Variants in EPHA3 observed in about 807,000 individuals in gnomAD.
EPHA3 encodes the protein EPH receptor A3.
In EPHA3, 42 loss-of-function variants were observed where a neutral mutation model predicts 107.1. The observed-to-expected ratio is 0.39, with a 90% CI of 0.31 to 0.51. The LOEUF (loss-of-function observed/expected upper bound fraction) is 0.51, where lower values mean the gene tolerates loss of function less well. Ranked by LOEUF, EPHA3 falls within the 20% of genes least tolerant of loss-of-function variation. The pLI is 0.78. For synonymous variants in EPHA3, 461 were observed against 424.8 expected (o/e 1.09, Z -1.05); for missense variants, 1,183 against 1,211.2 (o/e 0.98, Z 0.35).
chr3:89,386,535 G>A (rs1236779020), intron 5 of EPHA3, among the ~76,000 whole-genome samples: 1 of 152,228 alleles, frequency 6.6e-6, no homozygotes, highest in Non-Finnish European at 1.5e-5. Flanking sequence ...GAAATGCCTG[G>A]ATGTCCAGTC....
At chr3:89,243,972 TC>T (rs1553671187) in intron 3 of EPHA3, among the ~76,000 whole-genome samples, 1 of 152,100 alleles carries the variant, frequency 6.6e-6, no homozygotes, top group Non-Finnish European at 1.5e-5. Context: ...ATAAAGCCCC[TC>T]ACTTTGATAT....
intron 5 of EPHA3, among the ~76,000 whole-genome samples, chr3:89,352,016 T>C (rs551401381): frequency 6.0e-5 from 9 of 150,096 alleles, no homozygotes; most frequent in African/African-American, 2.2e-4. Flanking sequence ...AATTTCAGAG[T>C]TGCCATTCCA....
intron 11 of EPHA3, among the ~76,000 whole-genome samples, chr3:89,428,273 C>T (rs546696584): frequency 1.3e-5 from 2 of 152,024 alleles, no homozygotes; most frequent in East Asian, 3.9e-4. Context: ...GTATGATGAC[C>T]AGCAAGTTAA....
intron 3 of EPHA3, among the ~76,000 whole-genome samples, chr3:89,327,869 G>A (rs1410152451): frequency 4.0e-5 from 6 of 151,846 alleles, no homozygotes; most frequent in African/African-American, 9.7e-5. Flanking sequence ...AGGCTGAGGC[G>A]CATGGATCAC....
intron 1 of EPHA3, among the ~76,000 whole-genome samples, chr3:89,122,706 A>G (rs1409076189): frequency 2.0e-5 from 3 of 152,154 alleles, no homozygotes; most frequent in Non-Finnish European, 4.4e-5. Context: ...AAAAATCTTT[A>G]TGTGTTAATA....
At chr3:89,310,500 TC>T (rs1706739088) in intron 3 of EPHA3, among the ~76,000 whole-genome samples, 1 of 151,972 alleles carries the variant, frequency 6.6e-6, no homozygotes, top group South Asian at 2.1e-4. Flanking sequence ...GTTAACCCCT[TC>T]CTTTCTTATT....
At chr3:89,371,322 G>A (rs1016648353) in intron 5 of EPHA3, among the ~76,000 whole-genome samples, 8 of 151,594 alleles carry the variant, frequency 5.3e-5, no homozygotes, top group Non-Finnish European at 1.0e-4. Context: ...ATATCTTTAA[G>A]TTTCCCTGGA....
At chr3:89,433,507 T>C (rs1297054907) in intron 13 of EPHA3, among the ~76,000 whole-genome samples, 1 of 152,156 alleles carries the variant, frequency 6.6e-6, no homozygotes, top group Admixed American at 6.5e-5. Context: ...ATATAGGAGG[T>C]AGGACTCTCC....
intron 2 of EPHA3, among the ~76,000 whole-genome samples, chr3:89,188,609 C>A (rs1705627870): frequency 1.3e-5 from 2 of 152,142 alleles, no homozygotes; most frequent in South Asian, 4.1e-4. Flanking sequence ...ATATTATATC[C>A]TTGACTTCAT....
chr3:89,311,708 C>A (rs899071299), intron 3 of EPHA3, among the ~76,000 whole-genome samples: 1 of 152,022 alleles, frequency 6.6e-6, no homozygotes, highest in African/African-American at 2.4e-5. Flanking sequence ...GATTGTCTTT[C>A]TTCAGCAAAT....
chr3:89,150,777 G>A (rs541129086), intron 2 of EPHA3, among the ~76,000 whole-genome samples: 5 of 152,128 alleles, frequency 3.3e-5, no homozygotes, highest in Middle Eastern at 3.4e-3. Flanking sequence ...TGTACCTTTA[G>A]AACACTTGTA....
rs1007762877 is a variant in EPHA3, at chr3:89,179,172, G to T, written c.154-30688G>T. The stretch of plus-strand genomic sequence containing the variant: ...CATGTGCATTTTTATGTTTGCCAAT[G>T]ATTCAAGTATTGTGAAATTATATTT... On this transcript the variant is annotated intron_variant, in intron 2 of 16. Transcript: ENST00000336596. Among the ~76,000 whole-genome samples the T allele has an allele frequency of 9.2e-5, 14 of 152,120 alleles. 1 individual carries two copies. The South Asian group carries it at 2.1e-3, about 23-fold the overall frequency.
rs1289635005 is a variant in EPHA3 at position 89,413,195 on chromosome 3, C to T, written c.1817C>T (p.Thr606Ile). 2 of 1,611,876 alleles carry T rather than the reference C, an allele frequency of 1.2e-6. No homozygotes were observed. Among genetic ancestry groups the T allele is most frequent in the Admixed American group, 1.7e-5 (1 of 59,864 alleles). ...YVDPHTYEDP[T>I]QAVHEFAKEL... Reference sequence around the variant, plus strand: ...GACCCACATACATATGAAGACCCTACCCAAGCTGTTCATGAGTTTGCCAAG... The same window carrying T: ...GACCCACATACATATGAAGACCCTATCCAAGCTGTTCATGAGTTTGCCAAG... Residue 606 changes from threonine (T) to isoleucine (I), a missense_variant, in exon 10 of 17, where the codon ACC (threonine) becomes ATC (isoleucine). Thr to Ile is a moderately conservative substitution (Grantham distance 89, BLOSUM62 -1). Coordinates refer to ENST00000336596, the MANE Select transcript of EPHA3 (RefSeq NM_005233.6).
chr3:89,339,114 T>C (rs1707457965), intron 3 of EPHA3, among the ~76,000 whole-genome samples: 1 of 152,128 alleles, frequency 6.6e-6, no homozygotes, highest in African/African-American at 2.4e-5. Flanking sequence ...GACTCACGCC[T>C]GTAATCCCAG....
chr3:89,157,482 C>G (rs1047496574), intron 2 of EPHA3, among the ~76,000 whole-genome samples: 1 of 151,924 alleles, frequency 6.6e-6, no homozygotes, highest in African/African-American at 2.4e-5. Context: ...CGAAGAGGAA[C>G]AAGGAGCATA....
At chr3:89,129,306 T>C (rs530115571) in intron 2 of EPHA3, among the ~76,000 whole-genome samples, 3 of 152,258 alleles carry the variant, frequency 2.0e-5, no homozygotes, top group South Asian at 4.1e-4. Flanking sequence ...CTGTCCTCTG[T>C]TGATCTTGCA....
At chr3:89,447,985 G>A (rs190692172) in intron 13 of EPHA3, among the ~76,000 whole-genome samples, 1 of 152,246 alleles carries the variant, frequency 6.6e-6, no homozygotes. Flanking sequence ...GAGGATGTGA[G>A]TTCTTTCTTT....
intron 2 of EPHA3, among the ~76,000 whole-genome samples, chr3:89,188,997 G>A (rs1705639834): frequency 6.6e-6 from 1 of 152,138 alleles, no homozygotes; most frequent in Non-Finnish European, 1.5e-5. Context: ...TTAAATATAA[G>A]ACTATAGTAA....
intron 2 of EPHA3, among the ~76,000 whole-genome samples, chr3:89,173,759 T>A (rs559096347): frequency 6.6e-6 from 1 of 152,104 alleles, no homozygotes; most frequent in East Asian, 1.9e-4. Context: ...AATAAGCATA[T>A]CTGAGGCAAT....
Sources: gnomAD v4.1 joint callset for allele counts (sites outside exome capture counted in the v4.1 genomes callset) on GRCh38, gnomAD v4.1.1 for gene constraint, MANE v1.5 for transcripts, NCBI Gene and HGNC (gene_info 2026-07-23, HGNC 2026-07-21) for gene names.